PRKN: variants seen among roughly 807,000 people sequenced by gnomAD.
The protein encoded by PRKN is parkin RBR E3 ubiquitin protein ligase, also known as E3 ubiquitin-protein ligase parkin.
Under a neutral mutation model 59.5 loss-of-function variants are expected in PRKN, and 56 were observed. That is an observed-to-expected ratio of 0.94 (90% CI 0.76 to 1.18). The LOEUF (loss-of-function observed/expected upper bound fraction) is 1.18, where lower values mean the gene tolerates loss of function less well. Ranked by LOEUF, PRKN falls within the 50% of genes most tolerant of loss-of-function variation. The pLI, the probability that PRKN is intolerant of heterozygous loss-of-function variation, is 0.00. For missense variants in PRKN, 657 were observed against 596.4 expected (o/e 1.10, Z -1.06); for synonymous variants, 250 against 222.1 (o/e 1.13, Z -1.12).
At chr6:162,302,963 T>TACATAC (rs1554297630) in intron 2 of PRKN, among the ~76,000 whole-genome samples, 1 of 139,494 alleles carries the variant, frequency 7.2e-6, no homozygotes, top group Non-Finnish European at 1.5e-5. Context: ...GCCTTAAACA[T>TACATAC]ACACACACAC....
At chr6:161,443,265 A>G (rs1273036877) in intron 9 of PRKN, among the ~76,000 whole-genome samples, 6 of 151,082 alleles carry the variant, frequency 4.0e-5, no homozygotes, top group Admixed American at 1.3e-4. Context: ...AGCCAAGATT[A>G]TACCACTGCA....
chr6:162,379,304 A>T (rs1235330099), intron 2 of PRKN, among the ~76,000 whole-genome samples: 1 of 152,068 alleles, frequency 6.6e-6, no homozygotes, highest in Non-Finnish European at 1.5e-5. Flanking sequence ...CATGGTTCCT[A>T]TGGGCTGGGA....
chr6:161,437,814 C>T (rs755282187), intron 9 of PRKN, among the ~76,000 whole-genome samples: 1 of 152,138 alleles, frequency 6.6e-6, no homozygotes, highest in Non-Finnish European at 1.5e-5. Flanking sequence ...AGAAAATAAG[C>T]ATAACGTAGT....
At position 161,359,130 on chromosome 6, in the gene PRKN, A is replaced by G. The variant is rs1284972860; in HGVS notation, c.1285+958T>C. Among the ~76,000 whole-genome samples, 10 of 151,872 alleles carry G rather than the reference A, an allele frequency of 6.6e-5. No individual in the cohort carries two copies. Among genetic ancestry groups the G allele is most frequent in the African/African-American group, 2.4e-4 (10 of 41,336 alleles). Reference sequence around the variant, plus strand: ...TTTATAGGTGCATGCCAATCCCTTCATTTTCTAGGAGCACTGCTGCATGCA... The same window carrying G: ...TTTATAGGTGCATGCCAATCCCTTCGTTTTCTAGGAGCACTGCTGCATGCA... On this transcript the variant is annotated intron_variant, in intron 11 of 11. Transcript: ENST00000366898. The surrounding 1 kb of genome is among the most constrained non-coding windows in gnomAD (Gnocchi z 5.4).
chr6:161,433,619 G>A (rs776397686), intron 9 of PRKN, among the ~76,000 whole-genome samples: 4 of 152,080 alleles, frequency 2.6e-5, no homozygotes, highest in Non-Finnish European at 4.4e-5. Context: ...TGATAAAGAA[G>A]AGCCCATTCA....
At chr6:161,365,012 G>C (rs773165577) in intron 10 of PRKN, among the ~76,000 whole-genome samples, 8 of 151,894 alleles carry the variant, frequency 5.3e-5, no homozygotes, top group Admixed American at 1.3e-4. Context: ...ATTCTAATGC[G>C]CTGGCATGAT....
chr6:162,472,506 A>G lies in PRKN; in HGVS notation c.8-29033T>C, dbSNP rs1447557974. On this transcript the variant is annotated intron_variant, in intron 1 of 11. Coordinates refer to ENST00000366898, the MANE Select transcript of PRKN (RefSeq NM_004562.3). Reference sequence around the variant, plus strand: ...TATTTTATTTTATTTTTTGAGACGGAGTCTCGCTCTGTCGCCCAGGCCAGA... The same window carrying G: ...TATTTTATTTTATTTTTTGAGACGGGGTCTCGCTCTGTCGCCCAGGCCAGA... 2.0e-5 allele frequency among the ~76,000 whole-genome samples: 2 copies of G among 101,742 alleles called. 1 individual carries two copies. Among genetic ancestry groups the G allele is most frequent in the African/African-American group, 7.1e-5 (2 of 28,176 alleles). The allele number at this position is 101,742 out of a possible 152,430, so 66.7% of individuals were successfully genotyped here.
chr6:161,505,317 T>C (rs546473072), intron 9 of PRKN, among the ~76,000 whole-genome samples: 12,137 of 151,742 alleles, frequency 0.08, 681 homozygotes, highest in African/African-American at 0.16. Flanking sequence ...GCTGCATAAA[T>C]GTCTTCTTTT....
chr6:162,447,106 TCAGA>T (rs1330081374), intron 1 of PRKN, among the ~76,000 whole-genome samples: 1 of 152,184 alleles, frequency 6.6e-6, no homozygotes, highest in Admixed American at 6.5e-5. Context: ...TTAGAAAATC[TCAGA>T]AAGAGACTAG....
intron 8 of PRKN, among the ~76,000 whole-genome samples, chr6:161,565,495 G>C (rs1780608214): frequency 6.6e-6 from 1 of 152,100 alleles, no homozygotes. Context: ...TCCCCCCATG[G>C]TGTTCTCGTG....
At position 161,442,690 on chromosome 6, in the gene PRKN, G is replaced by A. The variant is rs1265975584; in HGVS notation, c.1084-55813C>T. Among the ~76,000 whole-genome samples, 2 of 152,116 alleles carry A rather than the reference G, an allele frequency of 1.3e-5. No individual in the cohort carries two copies. The highest frequency in any genetic ancestry group is 2.9e-5 in the Non-Finnish European group (2 of 68,024). Reference sequence around the variant, plus strand: ...TGGCTTGGAATTTAGCTGTTCCTTCGGGGCCCCGCTTACACACCAACACCC... The same window carrying A: ...TGGCTTGGAATTTAGCTGTTCCTTCAGGGCCCCGCTTACACACCAACACCC... On this transcript the variant is annotated intron_variant, in intron 9 of 11. Coordinates refer to ENST00000366898, the MANE Select transcript of PRKN (RefSeq NM_004562.3). The surrounding 1 kb of genome is among the most constrained non-coding windows in gnomAD (Gnocchi z 4.6).
chr6:162,552,586 A>C (rs1369872313), intron 1 of PRKN, among the ~76,000 whole-genome samples: 1 of 152,162 alleles, frequency 6.6e-6, no homozygotes, highest in African/African-American at 2.4e-5. Flanking sequence ...CCATGAAAAA[A>C]AGCAAGAGTT....
At chr6:162,087,438 G>A (rs1480000280) in intron 4 of PRKN, among the ~76,000 whole-genome samples, 1 of 151,914 alleles carries the variant, frequency 6.6e-6, no homozygotes, top group African/African-American at 2.4e-5. Context: ...ATTTGGAGTT[G>A]GCACAGATTA....
chr6:162,521,223 C>T (rs1056808395), intron 1 of PRKN, among the ~76,000 whole-genome samples: 2 of 152,132 alleles, frequency 1.3e-5, no homozygotes, highest in Non-Finnish European at 2.9e-5. Flanking sequence ...ATGAAAAATA[C>T]ATCATTAAAC....
rs117933429 is a variant in PRKN at position 161,417,796 on chromosome 6, G to A, written c.1084-30919C>T. 2.6e-5 allele frequency among the ~76,000 whole-genome samples: 4 copies of A among 152,314 alleles called. No homozygotes were observed. The highest frequency in any genetic ancestry group is 5.9e-5 in the Non-Finnish European group (4 of 68,032). On this transcript the variant is annotated intron_variant, in intron 9 of 11. Coordinates refer to ENST00000366898, the MANE Select transcript of PRKN (RefSeq NM_004562.3). The surrounding 1 kb of genome is among the most constrained non-coding windows in gnomAD (Gnocchi z 5.4). Reference sequence around the variant, plus strand: ...AGAACCAAATTAGATGAAAATACCAGCTTTTGTAAATCAACAGTGTCTAAT... The same window carrying A: ...AGAACCAAATTAGATGAAAATACCAACTTTTGTAAATCAACAGTGTCTAAT...
intron 9 of PRKN, among the ~76,000 whole-genome samples, chr6:161,433,302 G>A (rs1788735349): frequency 6.6e-6 from 1 of 152,104 alleles, no homozygotes; most frequent in African/African-American, 2.4e-5. Flanking sequence ...TCAGTAAGTT[G>A]GATGTTCCCA....
At chr6:161,766,313 C>CTTTTTTTTTTTTTTTTTTTTTTT (rs1583130349) in intron 7 of PRKN, among the ~76,000 whole-genome samples, 2 of 82,582 alleles carry the variant, frequency 2.4e-5, no homozygotes, top group African/African-American at 8.1e-5. Context: ...TCATTGACCA[C>CTTTTTTTTTTTTTTTTTTTTTTT]ATTTTTTTTT....
At chr6:161,673,865 A>G (rs1023273305) in intron 7 of PRKN, among the ~76,000 whole-genome samples, 1 of 152,196 alleles carries the variant, frequency 6.6e-6, no homozygotes, top group Non-Finnish European at 1.5e-5. Flanking sequence ...GTGTCCATTT[A>G]TGGAGGTGAT....
At chr6:162,576,494 TA>T (rs767002621) in intron 1 of PRKN, among the ~76,000 whole-genome samples, 5 of 152,182 alleles carry the variant, frequency 3.3e-5, no homozygotes, top group Non-Finnish European at 5.9e-5. Flanking sequence ...CAGGCTTTCC[TA>T]AAAAAACACT....
Sources: allele counts gnomAD v4.1 joint callset (sites outside exome capture counted in the v4.1 genomes callset), GRCh38; gene constraint gnomAD v4.1.1; non-coding constraint Gnocchi (gnomAD v3.1); transcripts MANE v1.5; gene names NCBI Gene and HGNC (gene_info 2026-07-23, HGNC 2026-07-21).